The following DNER variants were observed in gnomAD, a reference collection of about 807,000 sequenced individuals.
The protein encoded by DNER is delta and Notch-like epidermal growth factor-related receptor.
In DNER, 33 loss-of-function variants were observed where a neutral mutation model predicts 78.2. That is an observed-to-expected ratio of 0.42 (90% CI 0.32 to 0.56). DNER has a LOEUF of 0.56. Among genes scored for constraint, DNER ranks in the 20% least tolerant of loss-of-function variants. The probability of loss-of-function intolerance (pLI) is 0.11; values close to 1 mark genes in which losing one functional copy is unlikely to be tolerated. For missense variants in DNER, 918 were observed against 975.3 expected (o/e 0.94, Z 0.78); for synonymous variants, 417 against 384.8 (o/e 1.08, Z -0.98).
intron 5 of DNER, among the ~76,000 whole-genome samples, chr2:229,525,706 A>G (rs1429595791): frequency 6.6e-6 from 1 of 152,106 alleles, no homozygotes; most frequent in African/African-American, 2.4e-5. Flanking sequence ...TCCACCTGCC[A>G]GGTTCAAGCA....
At chr2:229,614,676 A>G (rs535875896) in intron 1 of DNER, among the ~76,000 whole-genome samples, 2 of 152,338 alleles carry the variant, frequency 1.3e-5, no homozygotes, top group South Asian at 4.1e-4. Flanking sequence ...CAGAGCTATG[A>G]ACCCGGGCAT....
chr2:229,652,339 T>G (rs762975470), intron 1 of DNER, among the ~76,000 whole-genome samples: 1 of 152,202 alleles, frequency 6.6e-6, no homozygotes, highest in Non-Finnish European at 1.5e-5. Context: ...CCTGACAGAT[T>G]TATTCTGCAA....
At chr2:229,647,906 G>A (rs574537514) in intron 1 of DNER, among the ~76,000 whole-genome samples, 1 of 152,310 alleles carries the variant, frequency 6.6e-6, no homozygotes, top group East Asian at 1.9e-4. Context: ...ATAATCATCT[G>A]TGATTCGGGA....
At chr2:229,379,327 C>G (rs61403582) in intron 11 of DNER, among the ~76,000 whole-genome samples, 17,568 of 152,194 alleles carry the variant, frequency 0.12, 1,771 homozygotes, top group East Asian at 0.52. Flanking sequence ...GTAATCCTCA[C>G]AGCAACCAGC....
At chr2:229,692,992 C>A (rs1699606187) in intron 1 of DNER, among the ~76,000 whole-genome samples, 1 of 151,944 alleles carries the variant, frequency 6.6e-6, no homozygotes, top group African/African-American at 2.4e-5. Flanking sequence ...GGCAAGCCAC[C>A]AAGAACCTCT....
intron 1 of DNER, among the ~76,000 whole-genome samples, chr2:229,712,228 A>G (rs1699922352): frequency 6.6e-6 from 1 of 152,214 alleles, no homozygotes; most frequent in Admixed American, 6.5e-5. Flanking sequence ...TTGGTCCTGC[A>G]ATGTTATGTA....
Position 229,508,742 on chromosome 2 carries a change from G to A in DNER, c.1147+4041C>T, listed in dbSNP as rs919941880. Among the ~76,000 whole-genome samples, 12 of 152,024 alleles carry A rather than the reference G, an allele frequency of 7.9e-5. 1 individual carries two copies. Among genetic ancestry groups the A allele is most frequent in the East Asian group, 1.9e-4 (1 of 5,182 alleles). On this transcript the variant is annotated intron_variant, in intron 6 of 12. Coordinates refer to ENST00000341772, the MANE Select transcript of DNER (RefSeq NM_139072.4). Reference sequence around the variant, plus strand: ...TAAAAATACAAAAAATTAGCCGGGCGTGGTGGCAAGCACCTGTAGTCCCAG... The same window carrying A: ...TAAAAATACAAAAAATTAGCCGGGCATGGTGGCAAGCACCTGTAGTCCCAG...
intron 2 of DNER, among the ~76,000 whole-genome samples, chr2:229,590,060 T>C (rs899880142): frequency 7.9e-4 from 116 of 147,622 alleles, no homozygotes; most frequent in African/African-American, 2.8e-3. Context: ...TTTTTTTTCA[T>C]TTAAACGATG....
At chr2:229,521,034 A>T (rs991873769) in intron 5 of DNER, among the ~76,000 whole-genome samples, 1 of 152,224 alleles carries the variant, frequency 6.6e-6, no homozygotes, top group African/African-American at 2.4e-5. Flanking sequence ...GCCCAGCCCC[A>T]GCCTTGGCGG....
At chr2:229,572,756 C>T (rs956974722) in intron 4 of DNER, among the ~76,000 whole-genome samples, 29 of 152,184 alleles carry the variant, frequency 1.9e-4, no homozygotes, top group Admixed American at 1.1e-3. Flanking sequence ...TTTTGCTGCA[C>T]GACAGGAATG....
rs201921750 is a variant in DNER, at chr2:229,546,794, T to TAGAC, written c.993+152_993+153insGTCT. On this transcript the variant is annotated intron_variant, in intron 5 of 12. Coordinates refer to ENST00000341772, the MANE Select transcript of DNER (RefSeq NM_139072.4). Reference sequence around the variant, plus strand: ...TGAGACAGACAGATAGACAGATAGATAGATAGATAGACAGACAGACAGACA... The same window carrying TAGAC: ...TGAGACAGACAGATAGACAGATAGATAGACAGATAGATAGACAGACAGACAGACA... 4.3e-3 allele frequency among the ~76,000 whole-genome samples: 617 copies of TAGAC among 144,312 alleles called. 4 individuals are homozygous for TAGAC. Among genetic ancestry groups the TAGAC allele is most frequent in the African/African-American group, 0.016 (568 of 36,578 alleles). The allele number at this position is 144,312 out of a possible 152,430, so 94.7% of individuals were successfully genotyped here. A position where few individuals can be genotyped will look rare whatever the true frequency, so the allele number is the denominator to read the frequency against.
chr2:229,704,394 C>A (rs987245071), intron 1 of DNER, among the ~76,000 whole-genome samples: 2 of 152,196 alleles, frequency 1.3e-5, no homozygotes, highest in Non-Finnish European at 2.9e-5. Flanking sequence ...CACTTAAAGA[C>A]CTGTATGTGA....
At chr2:229,582,545 T>C (rs1031637302) in intron 4 of DNER, among the ~76,000 whole-genome samples, 1 of 152,156 alleles carries the variant, frequency 6.6e-6, no homozygotes, top group African/African-American at 2.4e-5. Context: ...AAAAAATGGT[T>C]TATCAAAATA....
intron 4 of DNER, among the ~76,000 whole-genome samples, chr2:229,560,403 G>T (rs566912588): frequency 6.6e-6 from 1 of 152,250 alleles, no homozygotes; most frequent in Admixed American, 6.5e-5. Flanking sequence ...ATGGTTCACA[G>T]TCCACAAAGT....
At chr2:229,377,263 T>C (rs1219441312) in intron 11 of DNER, among the ~76,000 whole-genome samples, 1 of 152,250 alleles carries the variant, frequency 6.6e-6, no homozygotes, top group Non-Finnish European at 1.5e-5. Flanking sequence ...ATTAATTCAA[T>C]AGTTTAACTG....
At chr2:229,586,865 G>A in intron 3 of DNER, 1 of 985,544 alleles carries the variant, frequency 1.0e-6, no homozygotes, top group Non-Finnish European at 1.2e-6. Context: ...CCAGCACAGG[G>A]CTCCTGGCGT....
At chr2:229,559,617 A>G (rs1322216395) in intron 4 of DNER, among the ~76,000 whole-genome samples, 1 of 151,930 alleles carries the variant, frequency 6.6e-6, no homozygotes, top group African/African-American at 2.4e-5. Context: ...GATGCTGGAG[A>G]AAAAAAAGAC....
intron 1 of DNER, among the ~76,000 whole-genome samples, chr2:229,625,185 T>A (rs72991702): frequency 0.021 from 3,211 of 152,160 alleles, 45 homozygotes; most frequent in Middle Eastern, 0.034. Context: ...TTCAGAAAAA[T>A]CTGCTTCCTC....
intron 8 of DNER, among the ~76,000 whole-genome samples, chr2:229,440,559 C>T (rs549433766): frequency 6.6e-6 from 1 of 152,312 alleles, no homozygotes; most frequent in East Asian, 1.9e-4. Context: ...CACTCTCACC[C>T]TCTCCTATCT....
Sources: gnomAD v4.1 joint callset for allele counts (sites outside exome capture counted in the v4.1 genomes callset) on GRCh38, gnomAD v4.1.1 for gene constraint, MANE v1.5 for transcripts, NCBI Gene and HGNC (gene_info 2026-07-23, HGNC 2026-07-21) for gene names.